Variants in DPP6 observed in about 807,000 individuals in gnomAD.
DPP6 encodes the protein dipeptidyl peptidase like 6.
Under a neutral mutation model 122.6 loss-of-function variants are expected in DPP6, and 69 were observed. The observed-to-expected ratio is 0.56, with a 90% confidence interval of 0.46 to 0.69. DPP6 has a LOEUF of 0.69. Among genes scored for constraint, DPP6 ranks in the 30% least tolerant of loss-of-function variants. The pLI is 0.00. For missense variants in DPP6, 928 were observed against 1,116.9 expected (o/e 0.83, Z 2.41); for synonymous variants, 418 against 433.1 (o/e 0.97, Z 0.43).
chr7:154,226,912 T>G (rs970260971), intron 1 of DPP6, among the ~76,000 whole-genome samples: 1 of 152,168 alleles, frequency 6.6e-6, no homozygotes, highest in African/African-American at 2.4e-5. Context: ...GATGACAGTT[T>G]CCTTCAACCA....
chr7:154,778,997 A>ACCACCACCACCATCATC (rs1416432567), intron 10 of DPP6, among the ~76,000 whole-genome samples: 5 of 112,768 alleles, frequency 4.4e-5, no homozygotes, highest in African/African-American at 6.8e-5. Flanking sequence ...TCACCTCCAC[A>ACCACCACCACCATCATC]ACCTCCACCA....
chr7:154,870,561 G>A (rs568600412), intron 18 of DPP6, among the ~76,000 whole-genome samples: 13 of 152,240 alleles, frequency 8.5e-5, no homozygotes, highest in East Asian at 7.7e-4. Flanking sequence ...AGCCAAGATC[G>A]CACCACTGCA....
At chr7:154,310,216 A>G (rs1315005460) in intron 1 of DPP6, among the ~76,000 whole-genome samples, 1 of 152,188 alleles carries the variant, frequency 6.6e-6, no homozygotes, top group Non-Finnish European at 1.5e-5. Flanking sequence ...GGGAAGGGAA[A>G]GAGCTTAGCT....
rs1586297308 is a variant in DPP6 at position 154,446,726 on chromosome 7, G to C, written c.358+398G>C. On this transcript the variant is annotated intron_variant, in intron 2 of 25. Coordinates refer to ENST00000377770, the MANE Select transcript of DPP6 (RefSeq NM_130797.4). ...TGAACTAAGGAGAAGGTGCTAAATA[G>C]GTACTACTGAATATTACATAAAGTA... is the stretch of plus-strand genomic sequence containing the variant. Among the ~76,000 whole-genome samples the C allele has an allele frequency of 3.9e-5, 6 of 152,244 alleles. No individual in the cohort carries two copies. The East Asian group carries it at 1.2e-3, about 29-fold the overall frequency.
intron 21 of DPP6, chr7:154,883,758 CCTA>C (rs1293575565): frequency 1.3e-5 from 2 of 148,972 alleles, no homozygotes; most frequent in Non-Finnish European, 3.0e-5. Context: ...ACTACATACA[CCTA>C]CTCACACACA....
At chr7:154,224,885 G>A (rs781067241) in intron 1 of DPP6, among the ~76,000 whole-genome samples, 12 of 151,870 alleles carry the variant, frequency 7.9e-5, no homozygotes, top group Admixed American at 1.3e-4. Flanking sequence ...GCTTATGCCT[G>A]TAATCCCAGC....
chr7:154,659,496 A>G (rs1837480685), intron 6 of DPP6, among the ~76,000 whole-genome samples: 1 of 152,242 alleles, frequency 6.6e-6, no homozygotes, highest in Non-Finnish European at 1.5e-5. Flanking sequence ...GCATTTATGG[A>G]ATATCTGCTA....
intron 1 of DPP6, among the ~76,000 whole-genome samples, chr7:154,057,208 C>A (rs1485372611): frequency 1.3e-5 from 2 of 152,146 alleles, no homozygotes; most frequent in Non-Finnish European, 2.9e-5. Context: ...CAGCAACTGC[C>A]CAGCTAGTAC....
intron 5 of DPP6, among the ~76,000 whole-genome samples, chr7:154,623,560 AACACGCACACAC>A (rs1210659110): frequency 0.011 from 1,355 of 126,026 alleles, 7 homozygotes; most frequent in Middle Eastern, 0.023. Context: ...GCACACACGC[AACACGCACACAC>A]ACACGCACGC....
chr7:153,832,283 G>A, the DPP6 span, among the ~76,000 whole-genome samples: 4 of 152,136 alleles, frequency 2.6e-5, no homozygotes, highest in Non-Finnish European at 5.9e-5. Context: ...CGAAAGCAAG[G>A]ACAAATCCTC....
chr7:153,945,254 A>AT (rs1801896731), intron 1 of DPP6, among the ~76,000 whole-genome samples: 1 of 152,002 alleles, frequency 6.6e-6, no homozygotes, highest in Non-Finnish European at 1.5e-5. Flanking sequence ...CTCTTTTTGT[A>AT]TTTTTTGTGA....
the DPP6 span, among the ~76,000 whole-genome samples, chr7:153,865,099 G>T: frequency 2.0e-5 from 3 of 151,886 alleles, no homozygotes; most frequent in African/African-American, 7.3e-5. Context: ...AACTTAAAGC[G>T]ATTTACCAGC....
At chr7:154,236,853 TA>T (rs1347706122) in intron 1 of DPP6, among the ~76,000 whole-genome samples, 2 of 152,038 alleles carry the variant, frequency 1.3e-5, no homozygotes, top group East Asian at 3.9e-4. Context: ...GAAAGACCAG[TA>T]AAAAAATAAG....
chr7:153,888,028 T>A (rs1176126894), intron 1 of DPP6, among the ~76,000 whole-genome samples: 4 of 152,172 alleles, frequency 2.6e-5, no homozygotes, highest in Non-Finnish European at 5.9e-5. Flanking sequence ...CGGGGAGCCC[T>A]CGCTGACCGC....
intron 1 of DPP6, chr7:154,026,162 A>G (rs1247730850): frequency 6.6e-6 from 1 of 152,004 alleles, no homozygotes; most frequent in Non-Finnish European, 1.5e-5. Flanking sequence ...CTGCATGACT[A>G]ACCCCCAGTA....
At chr7:153,997,503 C>A (rs1459605546) in intron 1 of DPP6, among the ~76,000 whole-genome samples, 1 of 151,838 alleles carries the variant, frequency 6.6e-6, no homozygotes, top group East Asian at 1.9e-4. Context: ...CAGGCATTCA[C>A]CTGGTGATCA....
chr7:154,631,683 G>C (rs1197338603), intron 5 of DPP6, among the ~76,000 whole-genome samples: 1 of 151,626 alleles, frequency 6.6e-6, no homozygotes, highest in Non-Finnish European at 1.5e-5. Flanking sequence ...AAAAAAAAAA[G>C]GAAGGAGCAG....
intron 1 of DPP6, among the ~76,000 whole-genome samples, chr7:154,000,489 T>G (rs1223700075): frequency 2.6e-5 from 4 of 152,122 alleles, no homozygotes; most frequent in Non-Finnish European, 5.9e-5. Context: ...GGGATGCTTA[T>G]GGAGGGCCCA....
intron 1 of DPP6, among the ~76,000 whole-genome samples, chr7:154,171,812 T>TTACATA (rs1563274924): frequency 6.6e-6 from 1 of 151,238 alleles, no homozygotes; most frequent in Admixed American, 6.6e-5. Context: ...CCCACCATTC[T>TTACATA]TATATGATAT....
Sources: gnomAD v4.1 joint callset for allele counts (sites outside exome capture counted in the v4.1 genomes callset) on GRCh38, gnomAD v4.1.1 for gene constraint, MANE v1.5 for transcripts, NCBI Gene and HGNC (gene_info 2026-07-23, HGNC 2026-07-21) for gene names.